SATB1: variants seen among roughly 807,000 people sequenced by gnomAD.
SATB1 encodes the protein SATB homeobox 1.
A neutral mutation model predicts 86.9 loss-of-function variants in SATB1; 11 were observed. The ratio of observed to expected loss-of-function variants is 0.13; its 90% CI spans 0.08 to 0.21. SATB1 has a LOEUF of 0.21. Among genes scored for constraint, SATB1 ranks in the 10% least tolerant of loss-of-function variants. The pLI is 1.00. For missense variants in SATB1, 551 were observed against 937.6 expected (o/e 0.59, Z 5.39); for synonymous variants, 357 against 357.2 (o/e 1.00, Z 0.01).
At chr3:18,398,938 C>T (rs895148850) in intron 5 of SATB1, among the ~76,000 whole-genome samples, 1 of 152,140 alleles carries the variant, frequency 6.6e-6, no homozygotes, top group African/African-American at 2.4e-5. Flanking sequence ...CACTTACTCT[C>T]TTGTAATAAG....
At chr3:18,351,933 T>C (rs953734062) in intron 10 of SATB1, 59 bp downstream of exon 10, 1 of 1,537,178 alleles carries the variant, frequency 6.5e-7, no homozygotes, top group Non-Finnish European at 9.0e-7. Flanking sequence ...CTAATTTCCC[T>C]GCTAAGTTTA....
intron 9 of SATB1, among the ~76,000 whole-genome samples, chr3:18,373,632 C>T (rs1559410257): frequency 6.6e-6 from 1 of 152,124 alleles, no homozygotes; most frequent in African/African-American, 2.4e-5. Context: ...GTCAGAATGA[C>T]GTTTTCTTTC....
intron 9 of SATB1, among the ~76,000 whole-genome samples, chr3:18,357,817 C>T (rs1449602903): frequency 1.3e-5 from 2 of 151,704 alleles, no homozygotes; most frequent in Admixed American, 1.3e-4. Flanking sequence ...CACACTGTGC[C>T]TCAAAGGTAC....
chr3:18,421,333 C>T (rs1227188427), intron 1 of SATB1: 1 of 186,188 alleles, frequency 5.4e-6, no homozygotes, highest in African/African-American at 2.4e-5. Context: ...TTTACGTAGT[C>T]CCAATTTTTA....
chr3:18,397,336 A>G (rs760649593), intron 5 of SATB1, 46 bp from the exon 6 acceptor site: 2 of 1,020,614 alleles, frequency 2.0e-6, no homozygotes, highest in South Asian at 2.6e-5. Flanking sequence ...CAGCAGCACA[A>G]GATGGAACAC....
chr3:18,394,179 T>C lies in SATB1; in HGVS notation c.1206+283A>G, dbSNP rs990580872. On this transcript the variant is annotated intron_variant, in intron 7 of 10. Transcript: ENST00000338745. The surrounding 1 kb of genome is among the most constrained non-coding windows in gnomAD (Gnocchi z 5.9). ...TACTATAGCTTATGATTCCATTATATAAAAGCATAAGTAATGCCAGTTTAA... is the reference window on the plus strand; with the variant it reads ...TACTATAGCTTATGATTCCATTATACAAAAGCATAAGTAATGCCAGTTTAA... Among the ~76,000 whole-genome samples, 3 of 152,232 alleles carry C rather than the reference T, an allele frequency of 2.0e-5. No homozygotes were observed. The highest frequency in any genetic ancestry group is 2.0e-4 in the Admixed American group (3 of 15,280).
chr3:18,416,496 C>T (rs1645583386), intron 3 of SATB1, among the ~76,000 whole-genome samples: 1 of 152,060 alleles, frequency 6.6e-6, no homozygotes, highest in South Asian at 2.1e-4. Flanking sequence ...TGGGAATCAG[C>T]ATTGAAAAAT....
intron 8 of SATB1, among the ~76,000 whole-genome samples, chr3:18,383,170 C>T (rs1445581343): frequency 6.6e-6 from 1 of 152,218 alleles, no homozygotes; most frequent in Non-Finnish European, 1.5e-5. Context: ...ACTGTCCCTA[C>T]TGGAGCACAT....
intron 9 of SATB1, among the ~76,000 whole-genome samples, chr3:18,357,895 A>C (rs1006462108): frequency 6.6e-6 from 1 of 151,748 alleles, no homozygotes; most frequent in Non-Finnish European, 1.5e-5. Context: ...GGAAGATACA[A>C]CCCCATTTCT....
intron 9 of SATB1, among the ~76,000 whole-genome samples, chr3:18,372,198 C>G (rs1695509529): frequency 6.6e-6 from 1 of 152,190 alleles, no homozygotes; most frequent in Admixed American, 6.5e-5. Context: ...CAGTGAACTT[C>G]TTTGTGTTTC....
At chr3:18,378,934 C>G (rs868800626) in intron 8 of SATB1, among the ~76,000 whole-genome samples, 3 of 152,166 alleles carry the variant, frequency 2.0e-5, no homozygotes, top group Non-Finnish European at 4.4e-5. Flanking sequence ...GAATTTTACA[C>G]GTGCATGTCC....
At chr3:18,437,888 T>C (rs192267560) in intron 1 of SATB1, among the ~76,000 whole-genome samples, 1 of 152,276 alleles carries the variant, frequency 6.6e-6, no homozygotes, top group Admixed American at 6.5e-5. Flanking sequence ...CTTCATTCAT[T>C]GATAAAATAT....
rs780062189 is a variant in SATB1 at position 18,349,559 on chromosome 3, C to A, written c.1903G>T (p.Ala635Ser). 3.2e-5 allele frequency: 51 copies of A among 1,613,878 alleles called. No individual in the cohort carries two copies. Among genetic ancestry groups the A allele is most frequent in the Admixed American group, 2.0e-4 (12 of 60,010 alleles). ...PPRQPTVASP[A>S]ESDEENRQKT... Reference sequence around the variant, plus strand: ...TGTCGGTTTTCCTCATCTGACTCTGCTGGAGAGGCCACCGTGGGTTGCCGT... The same window carrying A: ...TGTCGGTTTTCCTCATCTGACTCTGATGGAGAGGCCACCGTGGGTTGCCGT... Residue 635 changes from alanine (A) to serine (S), a missense_variant, in exon 11 of 11, where the codon GCA (alanine) becomes TCA (serine). By Grantham distance (99) the Ala-to-Ser change is moderately conservative (BLOSUM62 1). Transcript: ENST00000338745. The surrounding 1 kb of genome is among the most constrained non-coding windows in gnomAD (Gnocchi z 5.5).
Position 18,349,739 on chromosome 3 carries a change from CCGTCT to C in SATB1, c.1780-62_1780-58del. ...TGCTATCGTGGAGTTCCACACAAAG[CCGTCT>C]CCAATCAGGAAAAATGTGGTCCCGG... On this transcript the variant is annotated intron_variant, in intron 10 of 10. Transcript: ENST00000338745. This position sits in a 1 kb window ranked among gnomAD's most constrained non-coding sequence, Gnocchi z 5.5. 2.0e-6 allele frequency: 3 copies of C among 1,526,776 alleles called. No individual in the cohort carries two copies. Among genetic ancestry groups the C allele is most frequent in the Non-Finnish European group, 2.6e-6 (3 of 1,137,770 alleles). The allele number at this position is 1,526,776 out of a possible 1,614,324, so 94.6% of individuals were successfully genotyped here. A position where few individuals can be genotyped will look rare whatever the true frequency, so the allele number is the denominator to read the frequency against.
At position 18,394,983 on chromosome 3, in the gene SATB1, C is replaced by A; in HGVS notation, c.752-67G>T. 7.8e-7 allele frequency: 1 copy of A among 1,280,914 alleles called. No homozygotes were observed. Among genetic ancestry groups the A allele is most frequent in the South Asian group, 1.5e-5 (1 of 66,586 alleles). 79.3% of individuals were successfully genotyped at this position (1,280,914 alleles called of 1,614,324 possible). On this transcript the variant is annotated intron_variant, in intron 6 of 10. Transcript: ENST00000338745. This position sits in a 1 kb window ranked among gnomAD's most constrained non-coding sequence, Gnocchi z 5.9. ...ATTGGCATTGATAAAGATTTCTAAC[C>A]ATTTCCTAAATTAAAAAAGGGTAGG...
chr3:18,349,181 A>G lies in SATB1; in HGVS notation c.2281T>C (p.Leu761=), dbSNP rs990542792. 1.2e-6 allele frequency: 2 copies of G among 1,613,174 alleles called. No individual in the cohort carries two copies. Among genetic ancestry groups the G allele is most frequent in the African/African-American group, 2.7e-5 (2 of 74,786 alleles). ...VEGNTDINTD[L]KD is the part of the protein sequence containing the mutation. ...CAAATACTTTTATCTCAGTCTTTCA[A>G]ATCAGTATTAATGTCTGTGTTTCCT... The change falls in exon 11 of 11, where the codon TTG becomes CTG. Residue 761 remains leucine (L), a synonymous_variant. Transcript: ENST00000338745. This position sits in a 1 kb window ranked among gnomAD's most constrained non-coding sequence, Gnocchi z 5.5.
chr3:18,413,024 T>C (rs1184792908), intron 5 of SATB1, among the ~76,000 whole-genome samples: 1 of 152,094 alleles, frequency 6.6e-6, no homozygotes, highest in Non-Finnish European at 1.5e-5. Context: ...TGGAAAAGAA[T>C]ACTGCAATTA....
chr3:18,374,588 C>A (rs1048531275), intron 9 of SATB1, among the ~76,000 whole-genome samples: 3 of 152,112 alleles, frequency 2.0e-5, no homozygotes, highest in Non-Finnish European at 2.9e-5. Flanking sequence ...AAGTAGCCTA[C>A]CTTCAGTTTT....
At chr3:18,408,659 C>CTGTTT (rs1258531252) in intron 5 of SATB1, 3 of 144,484 alleles carry the variant, frequency 2.1e-5, no homozygotes, top group Non-Finnish European at 4.5e-5. Flanking sequence ...GTTCGTGTAT[C>CTGTTT]TGTTTGTTTT....
Sources: allele counts gnomAD v4.1 joint callset (sites outside exome capture counted in the v4.1 genomes callset), GRCh38; gene constraint gnomAD v4.1.1; non-coding constraint Gnocchi (gnomAD v3.1); transcripts MANE v1.5; gene names NCBI Gene and HGNC (gene_info 2026-07-23, HGNC 2026-07-21).